Variants in XG observed in about 807,000 individuals in gnomAD.
The protein encoded by XG is glycoprotein Xg.
In XG, 24 loss-of-function variants were observed where a neutral mutation model predicts 25.7. That is an observed-to-expected ratio of 0.93 (90% CI 0.68 to 1.31). XG has a LOEUF of 1.31. Ranked by LOEUF, XG falls within the 40% of genes most tolerant of loss-of-function variation. The pLI, the probability that XG is intolerant of heterozygous loss-of-function variation, is 0.00. For missense variants in XG, 181 were observed against 187.6 expected, an observed-to-expected ratio of 0.96 and a Z score of 0.21; for synonymous variants, 77 against 69.2, an observed-to-expected ratio of 1.11 and a Z score of -0.56.
In XG at chrX:2,769,762, C is replaced by T. The variant is rs777049716; in HGVS notation, c.62-788C>T. ...GCAGACACATTCATTAGATTAACTG[C>T]TTTTGGATCAGGTAGGAACCTCAGC... On this transcript the variant is annotated intron_variant, in intron 1 of 10. Transcript: ENST00000644266. Among the ~76,000 whole-genome samples the T allele has an allele frequency of 1.8e-3, 273 of 152,292 alleles. 1 individual carries two copies. Among genetic ancestry groups the T allele is most frequent in the African/African-American group, 5.8e-3 (242 of 41,552 alleles).
intron 7 of XG, among the ~76,000 whole-genome samples, chrX:2,802,884 G>C (rs909361078): frequency 1.3e-4 from 14 of 111,019 alleles, no homozygotes; most frequent in African/African-American, 4.6e-4. Flanking sequence ...GAAGAAGGGA[G>C]TTTGTTTCAG....
intron 3 of XG, among the ~76,000 whole-genome samples, chrX:2,775,811 C>G (rs945336437): frequency 6.6e-6 from 1 of 151,544 alleles, no homozygotes; most frequent in African/African-American, 2.4e-5. Context: ...AAAAAATTAG[C>G]TGGGCATGAT....
At chrX:2,761,405 CTG>C (rs2050562434) in intron 1 of XG, among the ~76,000 whole-genome samples, 1 of 151,696 alleles carries the variant, frequency 6.6e-6, no homozygotes, top group South Asian at 2.1e-4. Flanking sequence ...GAATAAAAGT[CTG>C]TGGTTTGTAA....
At position 2,794,575 on chromosome X, in the gene XG, G is replaced by A. The variant is rs138044522; in HGVS notation, c.294G>A (p.Pro98=). 1.4e-4 allele frequency: 170 copies of A among 1,209,982 alleles called. No individual in the cohort carries two copies. In the African/African-American group the frequency reaches 1.4e-3, roughly 10 times the overall value. Residue 98 remains proline, a synonymous_variant, in exon 6 of 11, where the codon CCG becomes CCA. Transcript: ENST00000644266. ...NDVDRDDGRY[P]PRPRPRPPAG... ...TGGACCGTGATGACGGACGCTACCCGCCCAGGCCCAGGCCACGGCCGCCTG... is the reference window on the plus strand; with the variant it reads ...TGGACCGTGATGACGGACGCTACCCACCCAGGCCCAGGCCACGGCCGCCTG...
At chrX:2,781,512 A>G (rs1454468220) in intron 3 of XG, among the ~76,000 whole-genome samples, 1 of 114,264 alleles carries the variant, frequency 8.8e-6, no homozygotes, top group Non-Finnish European at 1.9e-5. Flanking sequence ...GCACACACAT[A>G]TCTCCACATA....
chrX:2,778,681 A>G (rs1169949039), intron 3 of XG, among the ~76,000 whole-genome samples: 2 of 152,194 alleles, frequency 1.3e-5, no homozygotes, highest in Middle Eastern at 3.2e-3. Context: ...GCTATAAAAC[A>G]ATGAGAGAAG....
chrX:2,777,160 G>A (rs1038379067), intron 3 of XG, among the ~76,000 whole-genome samples: 2 of 152,052 alleles, frequency 1.3e-5, no homozygotes, highest in Non-Finnish European at 2.9e-5. Flanking sequence ...CAAACAAGCC[G>A]GTAAAACTAA....
At chrX:2,796,432 G>A (rs1264252041) in intron 6 of XG, among the ~76,000 whole-genome samples, 12 of 105,449 alleles carry the variant, frequency 1.1e-4, no homozygotes, top group Non-Finnish European at 2.3e-4. Context: ...GTGTATATAG[G>A]TCCCTTCATG....
chrX:2,771,044 G>A (rs967048184), intron 2 of XG, among the ~76,000 whole-genome samples: 45 of 151,990 alleles, frequency 3.0e-4, no homozygotes, highest in Admixed American at 6.6e-4. Context: ...TGTAGAAACG[G>A]ATTCTCACTA....
At chrX:2,773,858 G>C (rs1389135173) in intron 2 of XG, among the ~76,000 whole-genome samples, 1 of 151,478 alleles carries the variant, frequency 6.6e-6, no homozygotes, top group South Asian at 2.1e-4. Flanking sequence ...AAGGAAGAAG[G>C]GAGGGCAGGA....
intron 8 of XG, among the ~76,000 whole-genome samples, chrX:2,807,043 TTG>T (rs1199775996): frequency 1.8e-5 from 2 of 112,691 alleles, no homozygotes; most frequent in Non-Finnish European, 3.8e-5. Context: ...CTTGTGTGTA[TTG>T]TGTGTGCATG....
At chrX:2,806,597 T>G in intron 7 of XG, 104 bp from the exon 8 acceptor site, 1 of 719,351 alleles carries the variant, frequency 1.4e-6, no homozygotes, top group Non-Finnish European at 2.1e-6. Flanking sequence ...CTGCAGCTTT[T>G]AAGAGCATCT....
chrX:2,775,255 C>A (rs761607085), intron 3 of XG, among the ~76,000 whole-genome samples: 1 of 152,142 alleles, frequency 6.6e-6, no homozygotes, highest in Non-Finnish European at 1.5e-5. Context: ...AATGGATAAA[C>A]AAAATGTGGT....
At chrX:2,760,112 TTGCACTGCAGTGAGCTGAGATTGCACCAC>T (rs2050530925) in intron 1 of XG, among the ~76,000 whole-genome samples, 1 of 151,774 alleles carries the variant, frequency 6.6e-6, no homozygotes, top group Non-Finnish European at 1.5e-5. Flanking sequence ...GATTGTGCCA[TTGCACTGCAGTGAGCTGAGATTGCACCAC>T]TGCACTCCAG....
chrX:2,813,395 A>G (rs2087075625), intron 10 of XG, among the ~76,000 whole-genome samples: 2 of 112,171 alleles, frequency 1.8e-5, no homozygotes, highest in South Asian at 7.4e-4. Flanking sequence ...GACAGCAAAT[A>G]CGTATGGGTT....
chrX:2,782,411 AG>A (rs945645599), intron 4 of XG, among the ~76,000 whole-genome samples: 1 of 112,096 alleles, frequency 8.9e-6, no homozygotes, highest in African/African-American at 3.2e-5. Context: ...TTATCAAGAT[AG>A]GGGAACTGCA....
chrX:2,794,661 G>T, intron 6 of XG, 58 bp downstream of exon 6: 2 of 1,157,363 alleles, frequency 1.7e-6, no homozygotes, highest in Non-Finnish European at 2.3e-6. Context: ...AGGGTGGGAT[G>T]AGAGGCCTGA....
chrX:2,754,916 T>C (rs2050402743), intron 1 of XG, among the ~76,000 whole-genome samples: 1 of 152,220 alleles, frequency 6.6e-6, no homozygotes, highest in Admixed American at 6.5e-5. Context: ...CTTTGTATCC[T>C]TCAATCCAAT....
At chrX:2,799,363 C>T (rs1357032703) in intron 7 of XG, among the ~76,000 whole-genome samples, 1 of 111,038 alleles carries the variant, frequency 9.0e-6, no homozygotes, top group East Asian at 2.8e-4. Context: ...AGGTTAAGGG[C>T]GCGCCCCAGG....
Sources: allele counts gnomAD v4.1 joint callset (sites outside exome capture counted in the v4.1 genomes callset), GRCh38; gene constraint gnomAD v4.1.1; transcripts MANE v1.5; gene names NCBI Gene and HGNC (gene_info 2026-07-23, HGNC 2026-07-21).